The following SPPL3 variants were observed in gnomAD, a reference collection of about 807,000 sequenced individuals.
SPPL3 encodes signal peptide peptidase like 3, also known as signal peptide peptidase-like 3.
Under a neutral mutation model 42.4 loss-of-function variants are expected in SPPL3, and 5 were observed. The ratio of observed to expected loss-of-function variants is 0.12; its 90% CI spans 0.06 to 0.25. The LOEUF is 0.25. Ranked by LOEUF, SPPL3 falls within the 10% of genes least tolerant of loss-of-function variation. SPPL3 has a pLI of 1.00. For missense variants in SPPL3, 235 were observed against 489.0 expected, an observed-to-expected ratio of 0.48 and a Z score of 4.90; for synonymous variants, 195 against 181.8, an observed-to-expected ratio of 1.07 and a Z score of -0.58.
intron 1 of SPPL3, among the ~76,000 whole-genome samples, chr12:120,892,551 C>T (rs1873672072): frequency 6.6e-6 from 1 of 152,038 alleles, no homozygotes; most frequent in African/African-American, 2.4e-5. Flanking sequence ...CCCAGTGTGG[C>T]TGAAGTAACA....
At chr12:120,820,135 C>T (rs941173450) in intron 1 of SPPL3, among the ~76,000 whole-genome samples, 1 of 152,032 alleles carries the variant, frequency 6.6e-6, no homozygotes, top group Non-Finnish European at 1.5e-5. Context: ...TTCTCACATG[C>T]AATTCTTACA....
At chr12:120,883,544 C>T (rs576403724) in intron 1 of SPPL3, among the ~76,000 whole-genome samples, 17 of 151,998 alleles carry the variant, frequency 1.1e-4, no homozygotes, top group African/African-American at 4.1e-4. Context: ...AACATAAATA[C>T]CAGGAAAATA....
intron 3 of SPPL3, among the ~76,000 whole-genome samples, chr12:120,788,267 A>C (rs934211878): frequency 1.3e-5 from 2 of 152,114 alleles, no homozygotes; most frequent in Non-Finnish European, 2.9e-5. Flanking sequence ...TCTGCTTTCT[A>C]ATGAGTTGAG....
intron 1 of SPPL3, among the ~76,000 whole-genome samples, chr12:120,814,604 A>T (rs1280195812): frequency 6.6e-6 from 1 of 152,224 alleles, no homozygotes; most frequent in Non-Finnish European, 1.5e-5. Flanking sequence ...AAAATTAAAA[A>T]AAATTATGAC....
chr12:120,894,772 C>G (rs1800536477), intron 1 of SPPL3, among the ~76,000 whole-genome samples: 1 of 151,838 alleles, frequency 6.6e-6, no homozygotes, highest in African/African-American at 2.4e-5. Flanking sequence ...ATGGAGAAAC[C>G]CCGTCTCTAC....
Position 120,776,528 on chromosome 12 carries a change from GTA to G in SPPL3, c.502+6125_502+6126del, listed in dbSNP as rs146930280. On this transcript the variant is annotated intron_variant, in intron 6 of 10. Coordinates refer to ENST00000353487, the MANE Select transcript of SPPL3 (RefSeq NM_139015.5). ...AAATTCTCCCGACTTGCTCTAAAGTGTATGTTTCCAATGGCTGTGAAAAGAAT... is the reference window on the plus strand; with the variant it reads ...AAATTCTCCCGACTTGCTCTAAAGTGTGTTTCCAATGGCTGTGAAAAGAAT... Among the ~76,000 whole-genome samples, 1,006 of 151,890 alleles carry G rather than the reference GTA, an allele frequency of 6.6e-3. 11 individuals are homozygous for G. Among genetic ancestry groups the G allele is most frequent in the African/African-American group, 0.023 (953 of 41,430 alleles).
At chr12:120,802,379 G>GTATATA (rs1222860105) in intron 2 of SPPL3, among the ~76,000 whole-genome samples, 1 of 130,724 alleles carries the variant, frequency 7.6e-6, no homozygotes, top group Non-Finnish European at 1.6e-5. Flanking sequence ...ACATATATAT[G>GTATATA]TATATATATA....
At chr12:120,856,204 T>C (rs965456303) in intron 1 of SPPL3, among the ~76,000 whole-genome samples, 15 of 152,012 alleles carry the variant, frequency 9.9e-5, no homozygotes, top group African/African-American at 3.1e-4. Flanking sequence ...TAAATGCAGA[T>C]TCCAGTCCCC....
At chr12:120,846,022 A>C (rs1053154632) in intron 1 of SPPL3, among the ~76,000 whole-genome samples, 8 of 152,036 alleles carry the variant, frequency 5.3e-5, no homozygotes, top group Admixed American at 2.0e-4. Context: ...CTTAGCCCCC[A>C]AGTAGCTGGG....
At chr12:120,779,178 G>T (rs1275762424) in intron 6 of SPPL3, among the ~76,000 whole-genome samples, 1 of 152,192 alleles carries the variant, frequency 6.6e-6, no homozygotes, top group Non-Finnish European at 1.5e-5. Flanking sequence ...TAGCCTATAA[G>T]ATCAGTACTT....
intron 2 of SPPL3, among the ~76,000 whole-genome samples, chr12:120,808,360 G>C (rs1019883398): frequency 6.6e-6 from 1 of 152,122 alleles, no homozygotes; most frequent in African/African-American, 2.4e-5. Flanking sequence ...ACAGGTGAGA[G>C]GGACCATGCC....
intron 1 of SPPL3, among the ~76,000 whole-genome samples, chr12:120,900,313 A>C (rs1427676910): frequency 1.4e-5 from 2 of 146,576 alleles, no homozygotes; most frequent in Admixed American, 1.4e-4. Context: ...AAATCTGTTT[A>C]AAAAAAAAAA....
chr12:120,766,433 C>G, intron 9 of SPPL3, 61 bp from the exon 10 acceptor site: 2 of 1,384,040 alleles, frequency 1.4e-6, no homozygotes, highest in Non-Finnish European at 2.0e-6. Context: ...CTGGCTGCTG[C>G]TGGGCAAAGT....
At chr12:120,777,994 T>C (rs1869388750) in intron 6 of SPPL3, among the ~76,000 whole-genome samples, 1 of 152,024 alleles carries the variant, frequency 6.6e-6, no homozygotes, top group African/African-American at 2.4e-5. Context: ...TTTTAATAGC[T>C]TGGTATATGG....
intron 1 of SPPL3, among the ~76,000 whole-genome samples, chr12:120,844,359 C>T (rs1187615166): frequency 1.3e-5 from 2 of 152,186 alleles, no homozygotes; most frequent in East Asian, 3.8e-4. Flanking sequence ...CCTAACTAGT[C>T]TTACTCCCAT....
intron 1 of SPPL3, 40 bp downstream of exon 1, chr12:120,903,805 A>C (rs1451315782): frequency 5.0e-5 from 57 of 1,150,452 alleles, no homozygotes; most frequent in African/African-American, 2.4e-4. Context: ...CCCGACCCCC[A>C]CCCTTGCCGC....
At chr12:120,848,696 C>T (rs1872125158) in intron 1 of SPPL3, among the ~76,000 whole-genome samples, 1 of 152,134 alleles carries the variant, frequency 6.6e-6, no homozygotes, top group Non-Finnish European at 1.5e-5. Flanking sequence ...TGTTCCATTT[C>T]TCAAAAATCA....
intron 1 of SPPL3, among the ~76,000 whole-genome samples, chr12:120,849,036 T>G (rs1374853210): frequency 6.6e-6 from 1 of 152,058 alleles, no homozygotes; most frequent in Non-Finnish European, 1.5e-5. Context: ...TGGTGGCACA[T>G]GTCTATATTC....
At chr12:120,813,061 G>C (rs1305070289) in intron 1 of SPPL3, among the ~76,000 whole-genome samples, 1 of 152,078 alleles carries the variant, frequency 6.6e-6, no homozygotes, top group Non-Finnish European at 1.5e-5. Flanking sequence ...ACAGTATTTT[G>C]AAAAGTGCAG....
Sources: gnomAD v4.1 joint callset for allele counts (sites outside exome capture counted in the v4.1 genomes callset) on GRCh38, gnomAD v4.1.1 for gene constraint, MANE v1.5 for transcripts, NCBI Gene and HGNC (gene_info 2026-07-23, HGNC 2026-07-21) for gene names.